The following SHISA9 variants were observed in gnomAD, a reference collection of about 807,000 sequenced individuals.
SHISA9 encodes the protein protein shisa-9.
A neutral mutation model predicts 38.0 loss-of-function variants in SHISA9; 13 were observed. The ratio of observed to expected loss-of-function variants is 0.34; its 90% CI spans 0.22 to 0.54. The LOEUF (loss-of-function observed/expected upper bound fraction) is 0.54, where lower values mean the gene tolerates loss of function less well. Among genes scored for constraint, SHISA9 ranks in the 20% least tolerant of loss-of-function variants. The pLI is 0.91. For missense variants in SHISA9, 538 were observed against 575.8 expected, an observed-to-expected ratio of 0.93 and a Z score of 0.67; for synonymous variants, 275 against 242.0, an observed-to-expected ratio of 1.14 and a Z score of -1.27.
At chr16:13,354,655 G>T in the SHISA9 span, among the ~76,000 whole-genome samples, 1 of 150,820 alleles carries the variant, frequency 6.6e-6, no homozygotes, top group African/African-American at 2.4e-5. Flanking sequence ...GGCAGCCGCT[G>T]CACGCACACA....
intron 3 of SHISA9, among the ~76,000 whole-genome samples, chr16:13,210,435 A>G (rs2051107391): frequency 6.6e-6 from 1 of 152,102 alleles, no homozygotes; most frequent in East Asian, 1.9e-4. Context: ...TCTAATTCAA[A>G]ATTTTAATTT....
chr16:12,953,799 C>T (rs938121436), intron 2 of SHISA9, among the ~76,000 whole-genome samples: 3 of 152,062 alleles, frequency 2.0e-5, no homozygotes, highest in African/African-American at 7.2e-5. Flanking sequence ...GCTTGGGAGG[C>T]CTCAGGAAAC....
the SHISA9 span, among the ~76,000 whole-genome samples, chr16:13,435,835 A>G: frequency 6.6e-6 from 1 of 152,196 alleles, no homozygotes; most frequent in East Asian, 1.9e-4. Flanking sequence ...AAGGTGGTCT[A>G]AAGTGTGAGG....
chr16:13,247,500 T>C, the SHISA9 span, among the ~76,000 whole-genome samples: 11 of 152,194 alleles, frequency 7.2e-5, no homozygotes, highest in Admixed American at 7.2e-4. Flanking sequence ...CCTGGAGTTT[T>C]CTGGTTCCAC....
chr16:13,439,770 G>A, the SHISA9 span, among the ~76,000 whole-genome samples: 886 of 152,286 alleles, frequency 5.8e-3, 5 homozygotes, highest in South Asian at 0.019. Flanking sequence ...TGCTGCCAGC[G>A]TGTGAAAACC....
the SHISA9 span, among the ~76,000 whole-genome samples, chr16:13,482,320 A>G: frequency 2.0e-5 from 3 of 152,262 alleles, no homozygotes; most frequent in Admixed American, 6.5e-5. Flanking sequence ...TCTGGATGCC[A>G]GTAACCACCT....
chr16:13,003,133 T>C (rs1394685825), intron 2 of SHISA9, among the ~76,000 whole-genome samples: 2 of 152,122 alleles, frequency 1.3e-5, no homozygotes, highest in Non-Finnish European at 2.9e-5. Context: ...AGAAGGCCAG[T>C]GTGGCTGACA....
the SHISA9 span, among the ~76,000 whole-genome samples, chr16:13,486,783 C>T: frequency 6.6e-6 from 1 of 152,344 alleles, no homozygotes; most frequent in Non-Finnish European, 1.5e-5. Context: ...CAGCTCACCG[C>T]AAACTCCATC....
At chr16:13,130,097 C>G (rs979993743) in intron 2 of SHISA9, among the ~76,000 whole-genome samples, 5 of 152,062 alleles carry the variant, frequency 3.3e-5, no homozygotes, top group African/African-American at 1.2e-4. Flanking sequence ...TTCATGAGAC[C>G]CCAATGAAGG....
At chr16:13,044,967 A>T (rs1187915684) in intron 2 of SHISA9, among the ~76,000 whole-genome samples, 1 of 152,222 alleles carries the variant, frequency 6.6e-6, no homozygotes, top group Non-Finnish European at 1.5e-5. Flanking sequence ...CTTGGTGCAG[A>T]TGTTAACCAC....
intron 2 of SHISA9, among the ~76,000 whole-genome samples, chr16:13,137,973 T>C (rs2050365115): frequency 6.6e-6 from 1 of 152,180 alleles, no homozygotes; most frequent in African/African-American, 2.4e-5. Context: ...TCTCAGATGT[T>C]ACATGAATGA....
chr16:13,293,560 A>C, the SHISA9 span, among the ~76,000 whole-genome samples: 1 of 152,266 alleles, frequency 6.6e-6, no homozygotes, highest in South Asian at 2.1e-4. Flanking sequence ...TTGTTTATTA[A>C]ATATATATAA....
At chr16:13,197,265 T>C (rs2050956082) in intron 2 of SHISA9, among the ~76,000 whole-genome samples, 1 of 152,176 alleles carries the variant, frequency 6.6e-6, no homozygotes, top group African/African-American at 2.4e-5. Flanking sequence ...AGTGCCTTTC[T>C]GGGCTATTCC....
At chr16:13,013,429 T>C (rs1203117873) in intron 2 of SHISA9, among the ~76,000 whole-genome samples, 1 of 152,136 alleles carries the variant, frequency 6.6e-6, no homozygotes, top group Non-Finnish European at 1.5e-5. Flanking sequence ...GCCTGGAACA[T>C]GTGGCTGGTG....
At chr16:13,195,461 C>G (rs901389689) in intron 2 of SHISA9, among the ~76,000 whole-genome samples, 1 of 152,146 alleles carries the variant, frequency 6.6e-6, no homozygotes, top group Non-Finnish European at 1.5e-5. Context: ...GAAGAAGAGA[C>G]AAATCTTCCA....
At chr16:13,023,301 A>G (rs567746780) in intron 2 of SHISA9, among the ~76,000 whole-genome samples, 1 of 152,264 alleles carries the variant, frequency 6.6e-6, no homozygotes, top group African/African-American at 2.4e-5. Flanking sequence ...TAATTTGCTG[A>G]GAATCATGGT....
intron 2 of SHISA9, among the ~76,000 whole-genome samples, chr16:13,156,520 G>A (rs777197258): frequency 1.3e-5 from 2 of 152,004 alleles, no homozygotes; most frequent in African/African-American, 2.4e-5. Flanking sequence ...AGATCACAAG[G>A]TCGGGAGATC....
At chr16:13,166,030 G>A (rs6498385) in intron 2 of SHISA9, among the ~76,000 whole-genome samples, 61,398 of 152,012 alleles carry the variant, frequency 0.4, 12,760 homozygotes, top group Admixed American at 0.46. Context: ...CATCCTCATA[G>A]TAATAGTTAT....
intron 2 of SHISA9, among the ~76,000 whole-genome samples, chr16:13,161,164 T>C (rs909438220): frequency 6.6e-6 from 1 of 152,152 alleles, no homozygotes; most frequent in African/African-American, 2.4e-5. Context: ...TTATAGTCTA[T>C]TGTGCTCCAG....
Sources: gnomAD v4.1 joint callset for allele counts (sites outside exome capture counted in the v4.1 genomes callset) on GRCh38, gnomAD v4.1.1 for gene constraint, MANE v1.5 for transcripts, NCBI Gene and HGNC (gene_info 2026-07-23, HGNC 2026-07-21) for gene names.